Variants in CSMD1 observed in about 807,000 individuals in gnomAD.
CSMD1 encodes CUB and Sushi multiple domains 1.
A neutral mutation model predicts 417.5 loss-of-function variants in CSMD1; 213 were observed. That is an observed-to-expected ratio of 0.51 (90% confidence interval 0.46 to 0.57). The LOEUF is 0.57. Ranked by LOEUF, CSMD1 falls within the 20% of genes least tolerant of loss-of-function variation. The probability of loss-of-function intolerance (pLI) is 0.00; values close to 1 mark genes in which losing one functional copy is unlikely to be tolerated. For synonymous variants in CSMD1, 2,862 were observed against 1,736.8 expected (o/e 1.65, Z -16.11); for missense variants, 6,923 against 4,529.7 (o/e 1.53, Z -15.17).
intron 5 of CSMD1, among the ~76,000 whole-genome samples, chr8:3,930,445 C>A (rs1005194235): frequency 2.7e-5 from 4 of 150,544 alleles, no homozygotes; most frequent in Non-Finnish European, 5.9e-5. Context: ...GTTCTTCTTC[C>A]TTATTTGAAG....
In CSMD1 at chr8:3,696,957, T is replaced by C. The variant is rs543335686; in HGVS notation, c.1009+11457A>G. 7.2e-5 allele frequency among the ~76,000 whole-genome samples: 11 copies of C among 152,256 alleles called. No individual in the cohort carries two copies. In the South Asian group the frequency reaches 1.2e-3, roughly 17 times the overall value. On this transcript the variant is annotated intron_variant, in intron 7 of 69. Coordinates refer to ENST00000635120, the MANE Select transcript of CSMD1 (RefSeq NM_033225.6). ...TTCCATATATGGGCCACGTGGACTA[T>C]AGAGTTTGGGACTGTAGATCGTAGG...
chr8:3,208,707 T>C (rs1797439275), intron 30 of CSMD1, among the ~76,000 whole-genome samples: 1 of 152,142 alleles, frequency 6.6e-6, no homozygotes, highest in South Asian at 2.1e-4. Flanking sequence ...GACCCACCCT[T>C]AATTTGGGTG....
intron 12 of CSMD1, among the ~76,000 whole-genome samples, chr8:3,457,548 G>A (rs73174848): frequency 0.048 from 7,375 of 152,246 alleles, 236 homozygotes; most frequent in Non-Finnish European, 0.071. Context: ...CTGGCTTAGA[G>A]GCAAGAGGAT....
At chr8:3,283,986 A>C (rs1802943770) in intron 26 of CSMD1, among the ~76,000 whole-genome samples, 158 bp downstream of exon 26, 2 of 152,252 alleles carry the variant, frequency 1.3e-5, no homozygotes, top group African/African-American at 4.8e-5. Context: ...ATGGGGGAAG[A>C]GAACTCTTCT....
At chr8:4,942,980 A>G (rs980449025) in intron 1 of CSMD1, among the ~76,000 whole-genome samples, 16 of 152,186 alleles carry the variant, frequency 1.1e-4, no homozygotes, top group Non-Finnish European at 5.9e-5. Context: ...GCAGCTTCCC[A>G]GAAAGTCAGG....
chr8:3,917,225 T>C (rs970033201), intron 5 of CSMD1, among the ~76,000 whole-genome samples: 1 of 152,202 alleles, frequency 6.6e-6, no homozygotes, highest in Non-Finnish European at 1.5e-5. Flanking sequence ...AGCCATTTCC[T>C]GTGGTTGAAA....
In CSMD1 at chr8:3,541,291, C is replaced by T. The variant is rs576792021; in HGVS notation, c.1344+33654G>A. On this transcript the variant is annotated intron_variant, in intron 10 of 69. Transcript: ENST00000635120. ...TAATGCAGGAACAGAAAACCAAATA[C>T]TGCATGTTCTCACTTATAAGTGGGA... Among the ~76,000 whole-genome samples, 144 of 152,266 alleles carry T rather than the reference C, an allele frequency of 9.5e-4. 1 individual carries two copies. Among genetic ancestry groups the T allele is most frequent in the African/African-American group, 3.4e-3 (140 of 41,548 alleles).
chr8:4,579,465 T>C (rs1273513633), intron 2 of CSMD1, among the ~76,000 whole-genome samples: 3 of 151,826 alleles, frequency 2.0e-5, no homozygotes, highest in Non-Finnish European at 4.4e-5. Context: ...TTCAAGTAAT[T>C]CTCCTGCCTC....
chr8:3,306,222 G>A (rs187364020), intron 25 of CSMD1, among the ~76,000 whole-genome samples: 109 of 151,942 alleles, frequency 7.2e-4, no homozygotes, highest in African/African-American at 2.6e-3. Context: ...TTGATAGGGT[G>A]GCTTTTCTGA....
intron 15 of CSMD1, among the ~76,000 whole-genome samples, chr8:3,403,403 T>A (rs1307855827): frequency 6.6e-6 from 1 of 152,204 alleles, no homozygotes; most frequent in Non-Finnish European, 1.5e-5. Context: ...CATCGGAGCG[T>A]CCCCTACCTT....
intron 49 of CSMD1, among the ~76,000 whole-genome samples, chr8:3,056,278 C>A (rs1812212725): frequency 6.6e-6 from 1 of 152,204 alleles, no homozygotes; most frequent in Non-Finnish European, 1.5e-5. Flanking sequence ...TTTAATACCA[C>A]AAACCCCACA....
intron 2 of CSMD1, among the ~76,000 whole-genome samples, chr8:4,562,161 C>A (rs899107333): frequency 1.3e-5 from 2 of 152,006 alleles, no homozygotes; most frequent in African/African-American, 4.8e-5. Flanking sequence ...AGAAAACATA[C>A]AAGGAAGCAT....
chr8:2,949,338 G>T lies in CSMD1; in HGVS notation c.10363C>A (p.His3455Asn), dbSNP rs777459005. 5 of 1,607,646 alleles carry T rather than the reference G, an allele frequency of 3.1e-6. No individual in the cohort carries two copies. In the East Asian group the frequency reaches 1.1e-4, roughly 36 times the overall value. Reference sequence around the variant, plus strand: ...TTAAATTTTCCAAAGTCTTTTCCATGAATGTCACCTTGAAAAGTAAATCCT... The same window carrying T: ...TTAAATTTTCCAAAGTCTTTTCCATTAATGTCACCTTGAAAAGTAAATCCT... ...RGGFTFQGDI[H>N]GKDFGKFKLE... The change falls in exon 68 of 70, where the codon CAT (histidine) becomes AAT (asparagine). Residue 3455 changes from histidine (H) to asparagine (N), a missense_variant. Physicochemically the swap from His to Asn is moderately conservative, Grantham distance 68 (BLOSUM62 1). Coordinates refer to ENST00000635120, the MANE Select transcript of CSMD1 (RefSeq NM_033225.6).
intron 5 of CSMD1, among the ~76,000 whole-genome samples, chr8:3,972,173 C>G (rs560801561): frequency 1.3e-5 from 2 of 152,044 alleles, no homozygotes; most frequent in East Asian, 3.9e-4. Context: ...CCTGGCCCTT[C>G]TAAGACCATA....
chr8:4,012,715 A>C (rs918203603), intron 4 of CSMD1, among the ~76,000 whole-genome samples: 1 of 152,178 alleles, frequency 6.6e-6, no homozygotes, highest in Non-Finnish European at 1.5e-5. Context: ...AGAATGTCTA[A>C]ATAGCAATCC....
chr8:3,819,770 A>G (rs1026834813), intron 5 of CSMD1, among the ~76,000 whole-genome samples: 1 of 152,126 alleles, frequency 6.6e-6, no homozygotes, highest in Non-Finnish European at 1.5e-5. Context: ...TAAAAATTAT[A>G]TAGAGATGTA....
chr8:3,667,285 G>A (rs922871384), intron 7 of CSMD1, among the ~76,000 whole-genome samples: 51 of 152,110 alleles, frequency 3.4e-4, no homozygotes, highest in Non-Finnish European at 1.0e-4. Context: ...AGATTATAAG[G>A]GTTATGTGAA....
intron 56 of CSMD1, among the ~76,000 whole-genome samples, chr8:2,973,928 G>C (rs895116421): frequency 1.4e-5 from 2 of 146,040 alleles, no homozygotes; most frequent in African/African-American, 2.7e-5. Context: ...TGGTGGTAGA[G>C]GATGGTGGTA....
At chr8:3,149,549 C>G (rs527623970) in intron 40 of CSMD1, among the ~76,000 whole-genome samples, 1 of 152,308 alleles carries the variant, frequency 6.6e-6, no homozygotes, top group African/African-American at 2.4e-5. Flanking sequence ...GTGATCGTGG[C>G]TCACTGCAAC....
Sources: gnomAD v4.1 joint callset for allele counts (sites outside exome capture counted in the v4.1 genomes callset) on GRCh38, gnomAD v4.1.1 for gene constraint, MANE v1.5 for transcripts, NCBI Gene and HGNC (gene_info 2026-07-23, HGNC 2026-07-21) for gene names.